Variants in BANK1 observed in about 807,000 individuals in gnomAD.
The protein encoded by BANK1 is B cell scaffold protein with ankyrin repeats 1, also known as B-cell scaffold protein with ankyrin repeats.
BANK1 carries 95 observed loss-of-function variants against 94.5 expected under a neutral mutation model. That is an observed-to-expected ratio of 1.00 (90% CI 0.85 to 1.19). BANK1 has a LOEUF of 1.19. Ranked by LOEUF, BANK1 falls within the 50% of genes most tolerant of loss-of-function variation. The pLI is 0.00. For synonymous variants in BANK1, 334 were observed against 308.4 expected (o/e 1.08, Z -0.87); for missense variants, 987 against 932.2 (o/e 1.06, Z -0.77).
At chr4:101,816,795 C>T (rs940505507) in intron 1 of BANK1, among the ~76,000 whole-genome samples, 6 of 151,980 alleles carry the variant, frequency 3.9e-5, no homozygotes, top group Admixed American at 1.3e-4. Context: ...CACATAACAC[C>T]CAGTTTATTA....
intron 7 of BANK1, among the ~76,000 whole-genome samples, chr4:101,936,171 GA>G (rs1263681994): frequency 7.6e-6 from 1 of 132,286 alleles, no homozygotes; most frequent in East Asian, 2.2e-4. Flanking sequence ...CTTATAACCA[GA>G]AAAAAATATA....
intron 2 of BANK1, among the ~76,000 whole-genome samples, chr4:101,839,036 GAAACACA>G (rs1405645135): frequency 2.0e-5 from 3 of 152,066 alleles, no homozygotes. Flanking sequence ...TCTTGACTGA[GAAACACA>G]ATAGGTAGTT....
At position 101,855,576 on chromosome 4, in the gene BANK1, G is replaced by A. The variant is rs531200436; in HGVS notation, c.624+387G>A. Among the ~76,000 whole-genome samples the A allele has an allele frequency of 8.5e-5, 13 of 152,220 alleles. No individual in the cohort carries two copies. The South Asian group carries it at 1.5e-3, about 17-fold the overall frequency. On this transcript the variant is annotated intron_variant, in intron 3 of 16. Transcript: ENST00000322953. ...AAAATTAAATAGTGAAGGTTATATG[G>A]AAGCTTAATTTTATCAACTGTGACT...
At chr4:102,014,435 C>G (rs923673884) in intron 7 of BANK1, among the ~76,000 whole-genome samples, 1 of 152,126 alleles carries the variant, frequency 6.6e-6, no homozygotes, top group Admixed American at 6.6e-5. Flanking sequence ...AATAAACATG[C>G]GTTAGCTATT....
At chr4:101,962,053 TG>T (rs1331272596) in intron 7 of BANK1, among the ~76,000 whole-genome samples, 1 of 152,194 alleles carries the variant, frequency 6.6e-6, no homozygotes, top group Non-Finnish European at 1.5e-5. Flanking sequence ...CAAAGCAAGT[TG>T]GAGATATAAA....
chr4:101,899,674 G>A (rs1307322554), intron 6 of BANK1, among the ~76,000 whole-genome samples: 1 of 152,100 alleles, frequency 6.6e-6, no homozygotes, highest in Non-Finnish European at 1.5e-5. Context: ...TGTGGTTGGA[G>A]GCTGTGAGTA....
At chr4:102,066,768 AC>A (rs1728609192) in intron 13 of BANK1, among the ~76,000 whole-genome samples, 1 of 152,206 alleles carries the variant, frequency 6.6e-6, no homozygotes, top group Non-Finnish European at 1.5e-5. Flanking sequence ...GAAAAAGAAT[AC>A]TGAAATTATA....
At chr4:102,058,857 C>A (rs1365539480) in intron 11 of BANK1, among the ~76,000 whole-genome samples, 1 of 151,564 alleles carries the variant, frequency 6.6e-6, no homozygotes, top group Admixed American at 6.6e-5. Context: ...AAAGAAAGCC[C>A]CCGTGGGAAT....
chr4:101,987,216 A>G (rs903690080), intron 7 of BANK1, among the ~76,000 whole-genome samples: 36 of 151,856 alleles, frequency 2.4e-4, no homozygotes, highest in Non-Finnish European at 5.3e-4. Flanking sequence ...CCAAATGGGT[A>G]ATCAGTCCAG....
chr4:101,986,899 G>GTGTATATATATA lies in BANK1; in HGVS notation c.1207-34614_1207-34613insGTATATATATAT, dbSNP rs1343197093. Among the ~76,000 whole-genome samples, 53 of 82,656 alleles carry GTGTATATATATA rather than the reference G, an allele frequency of 6.4e-4. 3 individuals carry two copies. Among genetic ancestry groups the GTGTATATATATA allele is most frequent in the African/African-American group, 3.0e-3 (46 of 15,544 alleles). 54.2% of individuals were successfully genotyped at this position (82,656 alleles called of 152,430 possible). A position where few individuals can be genotyped will look rare whatever the true frequency, so the allele number is the denominator to read the frequency against. On this transcript the variant is annotated intron_variant, in intron 7 of 16. Transcript: ENST00000322953. Reference sequence around the variant, plus strand: ...TGTGTGTGTGTGTGTGTGTGTGTGTGTATATATATATATATATATATATAT... The same window carrying GTGTATATATATA: ...TGTGTGTGTGTGTGTGTGTGTGTGTGTGTATATATATATATATATATATATATATATATATAT...
At chr4:101,860,422 CTT>C (rs11324375) in intron 3 of BANK1, among the ~76,000 whole-genome samples, 1 of 150,212 alleles carries the variant, frequency 6.7e-6, no homozygotes, top group African/African-American at 2.4e-5. Context: ...TCCTGACTTT[CTT>C]TTTTTTTTAT....
At chr4:101,969,793 C>T (rs1020454520) in intron 7 of BANK1, among the ~76,000 whole-genome samples, 3 of 151,992 alleles carry the variant, frequency 2.0e-5, no homozygotes, top group Non-Finnish European at 4.4e-5. Context: ...TAGTGGTGTT[C>T]CCCCGCTCCA....
intron 11 of BANK1, among the ~76,000 whole-genome samples, chr4:102,053,756 TAAAG>T (rs1179023742): frequency 1.3e-5 from 2 of 151,734 alleles, no homozygotes; most frequent in African/African-American, 2.4e-5. Context: ...ATATTGGTAA[TAAAG>T]AAAAATACGT....
Position 101,829,928 on chromosome 4 carries a change from A to C in BANK1, c.191A>C (p.Asn64Thr). 1 of 1,613,980 alleles carries C rather than the reference A, an allele frequency of 6.2e-7. No homozygotes were observed. Among genetic ancestry groups the C allele is most frequent in the Non-Finnish European group, 8.5e-7 (1 of 1,179,938 alleles). ...REAILLYRLE[N>T]FSFRHLELLN... Reference sequence around the variant, plus strand: ...GCCATCCTGTTATATCGCTTGGAGAATTTCTCTTTTCGGCATTTGGAGTTG... The same window carrying C: ...GCCATCCTGTTATATCGCTTGGAGACTTTCTCTTTTCGGCATTTGGAGTTG... Residue 64 changes from asparagine to threonine, a missense_variant, in exon 2 of 17, where the codon AAT (asparagine) becomes ACT (threonine). Transcript: ENST00000322953.
intron 12 of BANK1, among the ~76,000 whole-genome samples, 162 bp downstream of exon 12, chr4:102,060,551 G>C (rs1022119169): frequency 2.0e-5 from 3 of 152,146 alleles, no homozygotes; most frequent in Admixed American, 2.0e-4. Context: ...AAAATATCCA[G>C]ATATTATGTT....
chr4:101,878,717 T>G (rs1175932941), intron 5 of BANK1, among the ~76,000 whole-genome samples: 1 of 152,114 alleles, frequency 6.6e-6, no homozygotes, highest in Non-Finnish European at 1.5e-5. Context: ...AAAACAAGTT[T>G]TAGAGCAGTC....
chr4:101,995,930 C>G (rs984656272), intron 7 of BANK1, among the ~76,000 whole-genome samples: 2 of 152,032 alleles, frequency 1.3e-5, no homozygotes, highest in African/African-American at 2.4e-5. Context: ...TTTTGCTGTG[C>G]AGAAGTTTAG....
chr4:101,989,253 G>A (rs1349196040), intron 7 of BANK1, among the ~76,000 whole-genome samples: 2 of 151,886 alleles, frequency 1.3e-5, no homozygotes, highest in Non-Finnish European at 2.9e-5. Flanking sequence ...GACCAGCCTG[G>A]TCAACATGGC....
chr4:102,040,805 A>G (rs1250873261), intron 10 of BANK1, among the ~76,000 whole-genome samples: 1 of 152,068 alleles, frequency 6.6e-6, no homozygotes, highest in African/African-American at 2.4e-5. Context: ...AAGAATTGGT[A>G]ACATCTCAGA....
Sources: gnomAD v4.1 joint callset for allele counts (sites outside exome capture counted in the v4.1 genomes callset) on GRCh38, gnomAD v4.1.1 for gene constraint, MANE v1.5 for transcripts, NCBI Gene and HGNC (gene_info 2026-07-23, HGNC 2026-07-21) for gene names.